Variants in GDPD5 observed in about 807,000 individuals in gnomAD.
GDPD5 encodes the protein glycerophosphodiester phosphodiesterase domain containing 5.
In GDPD5, 48 loss-of-function variants were observed where a neutral mutation model predicts 75.1. The ratio of observed to expected loss-of-function variants is 0.64; its 90% CI spans 0.51 to 0.81. The LOEUF is 0.81. Among genes scored for constraint, GDPD5 ranks in the 40% least tolerant of loss-of-function variants. GDPD5 has a pLI of 0.00. For synonymous variants in GDPD5, 336 were observed against 339.0 expected, an observed-to-expected ratio of 0.99 and a Z score of 0.10; for missense variants, 706 against 822.6, an observed-to-expected ratio of 0.86 and a Z score of 1.73.
At chr11:75,488,544 T>C (rs1950055232) in intron 2 of GDPD5, among the ~76,000 whole-genome samples, 1 of 152,064 alleles carries the variant, frequency 6.6e-6, no homozygotes, top group South Asian at 2.1e-4. Flanking sequence ...TACCCCTCCT[T>C]GTACCACTGT....
intron 1 of GDPD5, among the ~76,000 whole-genome samples, chr11:75,521,208 G>A (rs558258454): frequency 8.9e-4 from 135 of 152,290 alleles, no homozygotes; most frequent in African/African-American, 3.1e-3. Context: ...GCCTGTGCAC[G>A]GCCTAGGGCC....
chr11:75,478,173 A>G lies in GDPD5; in HGVS notation c.-60-378T>C, dbSNP rs541912388. Among the ~76,000 whole-genome samples the G allele has an allele frequency of 5.9e-5, 9 of 152,262 alleles. 1 individual carries two copies. The highest frequency in any genetic ancestry group is 8.8e-5 in the Non-Finnish European group (6 of 68,010). ...TGTCCTTTTCTTTTCTTTTTGAGAC[A>G]GAGTCTTGCTCTGTCACCCAGGCTG... On this transcript the variant is annotated intron_variant, in intron 2 of 16. Coordinates refer to ENST00000336898, the MANE Select transcript of GDPD5 (RefSeq NM_030792.8).
At chr11:75,515,554 G>T (rs1317414819) in intron 1 of GDPD5, among the ~76,000 whole-genome samples, 2 of 152,216 alleles carry the variant, frequency 1.3e-5, no homozygotes, top group Non-Finnish European at 1.5e-5. Flanking sequence ...ACTCAGAGTG[G>T]CATGGCTCTT....
intron 15 of GDPD5, chr11:75,438,719 C>G (rs1361287071): frequency 6.5e-6 from 1 of 153,096 alleles, no homozygotes; most frequent in Non-Finnish European, 1.5e-5. Context: ...AGTGTCAGGC[C>G]AGGGTCTCTC....
At chr11:75,463,835 C>A (rs771726390) in intron 3 of GDPD5, among the ~76,000 whole-genome samples, 1 of 152,218 alleles carries the variant, frequency 6.6e-6, no homozygotes, top group Non-Finnish European at 1.5e-5. Context: ...ACAACCAGTT[C>A]CTGCAACCTG....
intron 15 of GDPD5, chr11:75,438,143 C>A (rs1279442491): frequency 6.6e-6 from 1 of 152,458 alleles, no homozygotes; most frequent in African/African-American, 2.4e-5. Flanking sequence ...GGCACGGACA[C>A]CCTGGCGAGG....
chr11:75,437,035 C>G lies in GDPD5; in HGVS notation c.1570G>C (p.Gly524Arg). 6.2e-7 allele frequency: 1 copy of G among 1,613,156 alleles called. No individual in the cohort carries two copies. Among genetic ancestry groups the G allele is most frequent in the Non-Finnish European group, 8.5e-7 (1 of 1,179,888 alleles). The change falls in exon 16 of 17, where the codon GGC (glycine) becomes CGC (arginine). Residue 524 changes from glycine to arginine, a missense_variant. Physicochemically the swap from Gly to Arg is moderately radical, Grantham distance 125 (BLOSUM62 -2). Coordinates refer to ENST00000336898, the MANE Select transcript of GDPD5 (RefSeq NM_030792.8). ...IFVLQKWRLG[G>R]IRSYNPEQIM... ...TGCTCAGGGTTGTAGCTCCGTATGCCACCCAGGCGCCACCTGCAGAGATGG... is the reference window on the plus strand; with the variant it reads ...TGCTCAGGGTTGTAGCTCCGTATGCGACCCAGGCGCCACCTGCAGAGATGG...
At chr11:75,519,472 C>T (rs1950710752) in intron 1 of GDPD5, among the ~76,000 whole-genome samples, 1 of 152,196 alleles carries the variant, frequency 6.6e-6, no homozygotes, top group African/African-American at 2.4e-5. Flanking sequence ...ATTCCAAACG[C>T]CTTTCCTGAG....
chr11:75,447,084 T>C (rs1178343813), intron 9 of GDPD5, among the ~76,000 whole-genome samples: 5 of 152,104 alleles, frequency 3.3e-5, no homozygotes, highest in Non-Finnish European at 5.9e-5. Flanking sequence ...GGTTTCTCCA[T>C]GTTGATCAGG....
intron 4 of GDPD5, among the ~76,000 whole-genome samples, chr11:75,461,842 A>G (rs1029998329): frequency 5.9e-5 from 9 of 152,148 alleles, no homozygotes; most frequent in South Asian, 2.1e-4. Context: ...GCTGTCCCCA[A>G]CTGGCTGTGT....
intron 1 of GDPD5, among the ~76,000 whole-genome samples, chr11:75,494,344 AG>A (rs1351988620): frequency 1.3e-5 from 2 of 151,762 alleles, no homozygotes; most frequent in East Asian, 3.9e-4. Context: ...CAGCCTCCCA[AG>A]TGGCTGGGAT....
intron 2 of GDPD5, among the ~76,000 whole-genome samples, chr11:75,478,689 G>C (rs11236437): frequency 1.3e-5 from 2 of 152,196 alleles, no homozygotes; most frequent in African/African-American, 2.4e-5. Flanking sequence ...CTAGCACATA[G>C]CAGACTTTCA....
chr11:75,519,720 AC>A (rs1385044828), intron 1 of GDPD5, among the ~76,000 whole-genome samples: 2 of 152,188 alleles, frequency 1.3e-5, no homozygotes, highest in African/African-American at 4.8e-5. Context: ...ACCCTGTGCC[AC>A]CAGCCACAGA....
At chr11:75,478,898 G>A (rs1592116462) in intron 2 of GDPD5, among the ~76,000 whole-genome samples, 1 of 152,246 alleles carries the variant, frequency 6.6e-6, no homozygotes, top group East Asian at 1.9e-4. Flanking sequence ...ATGCCTGGCT[G>A]CTGTCCCATA....
chr11:75,435,870 G>A (rs1486953282), intron 16 of GDPD5, among the ~76,000 whole-genome samples: 2 of 152,180 alleles, frequency 1.3e-5, no homozygotes, highest in African/African-American at 4.8e-5. Flanking sequence ...CTGGGACTCT[G>A]CAGCCACAGA....
At chr11:75,485,242 G>A (rs941503360) in intron 2 of GDPD5, 1 of 152,206 alleles carries the variant, frequency 6.6e-6, no homozygotes, top group Admixed American at 6.5e-5. Flanking sequence ...AAGCTCTTCT[G>A]TATGACACAG....
rs757385377 is a variant in GDPD5, at chr11:75,435,489, G to A, written c.*18C>T. The A allele has an allele frequency of 3.8e-6, 6 of 1,577,948 alleles. No homozygotes were observed. Among genetic ancestry groups the A allele is most frequent in the Non-Finnish European group, 5.2e-6 (6 of 1,161,558 alleles). ...CCAGCTTCTGTGTCAGGTACAGGTG[G>A]GACAGACATGTCTTCAGCTAACGCC... is the stretch of plus-strand genomic sequence containing the variant. On this transcript the variant is annotated 3_prime_UTR_variant, in exon 17 of 17. Coordinates refer to ENST00000336898, the MANE Select transcript of GDPD5 (RefSeq NM_030792.8).
intron 3 of GDPD5, among the ~76,000 whole-genome samples, chr11:75,470,630 C>T (rs1592104560): frequency 6.6e-6 from 1 of 152,186 alleles, no homozygotes; most frequent in Admixed American, 6.5e-5. Context: ...ATTTCTTTTA[C>T]ATCTTTCCAA....
At chr11:75,441,333 G>C (rs775937690) in intron 13 of GDPD5, 23 bp from the exon 14 acceptor site, 2 of 1,613,878 alleles carry the variant, frequency 1.2e-6, no homozygotes, top group Admixed American at 1.7e-5. Context: ...GGAGAGGCAG[G>C]TCAGCATGCG....
Sources: allele counts gnomAD v4.1 joint callset (sites outside exome capture counted in the v4.1 genomes callset), GRCh38; gene constraint gnomAD v4.1.1; transcripts MANE v1.5; gene names NCBI Gene and HGNC (gene_info 2026-07-23, HGNC 2026-07-21).